ZNF609: variants seen among roughly 807,000 people sequenced by gnomAD.
ZNF609 encodes the protein zinc finger protein 609.
In ZNF609, 11 loss-of-function variants were observed where a neutral mutation model predicts 109.5. The ratio of observed to expected loss-of-function variants is 0.10; its 90% CI spans 0.06 to 0.17. The LOEUF (loss-of-function observed/expected upper bound fraction) is 0.17, where lower values mean the gene tolerates loss of function less well. Among genes scored for constraint, ZNF609 ranks in the 10% least tolerant of loss-of-function variants. ZNF609 has a pLI of 1.00. For synonymous variants in ZNF609, 646 were observed against 662.0 expected, an observed-to-expected ratio of 0.98 and a Z score of 0.37; for missense variants, 1,559 against 1,772.4, an observed-to-expected ratio of 0.88 and a Z score of 2.16.
intron 1 of ZNF609, among the ~76,000 whole-genome samples, chr15:64,486,248 G>A (rs546472585): frequency 2.0e-5 from 3 of 152,252 alleles, no homozygotes; most frequent in Non-Finnish European, 4.4e-5. Context: ...TATCGGCCAG[G>A]CACGTTGTCT....
intron 2 of ZNF609, among the ~76,000 whole-genome samples, chr15:64,600,607 G>A (rs1190662828): frequency 7.2e-6 from 1 of 138,154 alleles, no homozygotes; most frequent in Non-Finnish European, 1.5e-5. Context: ...CTGTACCCCA[G>A]CTTGGGTAAC....
chr15:64,512,834 A>G (rs1006912718), intron 2 of ZNF609, among the ~76,000 whole-genome samples: 3 of 152,130 alleles, frequency 2.0e-5, no homozygotes, highest in African/African-American at 7.2e-5. Context: ...ACTTTTTTAA[A>G]AAAAACTTTT....
chr15:64,475,448 C>T (rs1156822291), intron 1 of ZNF609, among the ~76,000 whole-genome samples: 2 of 132,746 alleles, frequency 1.5e-5, no homozygotes, highest in African/African-American at 2.8e-5. Context: ...GGCTAGAGTG[C>T]AGCGATCTTG....
intron 3 of ZNF609, among the ~76,000 whole-genome samples, chr15:64,665,278 C>T (rs1047119498): frequency 9.2e-5 from 14 of 152,170 alleles, no homozygotes; most frequent in Admixed American, 3.9e-4. Flanking sequence ...TGAAAACAAT[C>T]AGAATCCATT....
chr15:64,625,387 G>A (rs1248494553), intron 3 of ZNF609, among the ~76,000 whole-genome samples: 1 of 152,078 alleles, frequency 6.6e-6, no homozygotes, highest in Non-Finnish European at 1.5e-5. Context: ...GGGTATGGTG[G>A]CGTGTACCTG....
intron 2 of ZNF609, among the ~76,000 whole-genome samples, chr15:64,579,802 CATATT>C (rs1411272014): frequency 6.6e-6 from 1 of 152,092 alleles, no homozygotes; most frequent in African/African-American, 2.4e-5. Flanking sequence ...CCCATCAACA[CATATT>C]ATAAATATTG....
At chr15:64,599,911 T>G (rs544429273) in intron 2 of ZNF609, among the ~76,000 whole-genome samples, 1 of 152,350 alleles carries the variant, frequency 6.6e-6, no homozygotes, top group Admixed American at 6.5e-5. Context: ...ATTCTTTAGG[T>G]CCACTCCAGC....
chr15:64,527,241 G>T (rs1332398993), intron 2 of ZNF609, among the ~76,000 whole-genome samples: 1 of 149,626 alleles, frequency 6.7e-6, no homozygotes, highest in African/African-American at 2.5e-5. Flanking sequence ...TGAGGATGCA[G>T]GGTTAAAAGA....
At chr15:64,545,055 A>T (rs900735112) in intron 2 of ZNF609, among the ~76,000 whole-genome samples, 3 of 152,224 alleles carry the variant, frequency 2.0e-5, no homozygotes, top group African/African-American at 7.2e-5. Flanking sequence ...AGCAAGATTA[A>T]ATGAGACTAG....
chr15:64,478,774 A>C (rs1279664008), intron 1 of ZNF609, among the ~76,000 whole-genome samples: 9 of 152,202 alleles, frequency 5.9e-5, no homozygotes, highest in Admixed American at 5.9e-4. Context: ...TCTTCTGGGC[A>C]GATTTTATAT....
intron 3 of ZNF609, among the ~76,000 whole-genome samples, chr15:64,630,937 C>T (rs949588129): frequency 6.6e-6 from 1 of 152,174 alleles, no homozygotes; most frequent in Non-Finnish European, 1.5e-5. Flanking sequence ...AGCTACTTCA[C>T]ATCTTTCAGC....
intron 2 of ZNF609, among the ~76,000 whole-genome samples, chr15:64,612,208 C>T (rs935622438): frequency 1.3e-5 from 2 of 151,094 alleles, no homozygotes; most frequent in Non-Finnish European, 2.9e-5. Context: ...AGTGCAGTGG[C>T]GCGACCTCGG....
chr15:64,653,624 C>A (rs1024717887), intron 3 of ZNF609, among the ~76,000 whole-genome samples: 1 of 151,928 alleles, frequency 6.6e-6, no homozygotes, highest in Non-Finnish European at 1.5e-5. Context: ...CCACCCTGGA[C>A]GACAGAGCTA....
intron 4 of ZNF609, among the ~76,000 whole-genome samples, chr15:64,672,040 T>G: frequency 8.1e-6 from 1 of 122,938 alleles, no homozygotes; most frequent in Non-Finnish European, 1.6e-5. Flanking sequence ...TGAGATGGAG[T>G]CTCGCTCTGT....
At chr15:64,472,877 T>C (rs1309056665) in intron 1 of ZNF609, among the ~76,000 whole-genome samples, 2 of 152,098 alleles carry the variant, frequency 1.3e-5, no homozygotes, top group Non-Finnish European at 2.9e-5. Flanking sequence ...ACCAAGAATA[T>C]ACCTTGTAAA....
intron 3 of ZNF609, among the ~76,000 whole-genome samples, chr15:64,663,356 G>A (rs1196860440): frequency 6.6e-6 from 1 of 152,162 alleles, no homozygotes; most frequent in African/African-American, 2.4e-5. Flanking sequence ...ACACCTAGAA[G>A]GATGTACACA....
At position 64,653,854 on chromosome 15, in the gene ZNF609, G is replaced by C. The variant is rs369840080; in HGVS notation, c.974-16492G>C. Among the ~76,000 whole-genome samples the C allele has an allele frequency of 8.6e-4, 131 of 152,126 alleles. 1 individual carries two copies. The highest frequency in any genetic ancestry group is 3.0e-3 in the African/African-American group (126 of 41,486). ...CCAAGATATCACACTCTCCTAGACT[G>C]GGAGCCAAAGAGCTATAAAAAATTG... is the stretch of plus-strand genomic sequence containing the variant. On this transcript the variant is annotated intron_variant, in intron 3 of 9. Coordinates refer to ENST00000326648, the MANE Select transcript of ZNF609 (RefSeq NM_015042.2).
At chr15:64,500,456 G>C (rs1893545580) in intron 2 of ZNF609, 2 of 662,696 alleles carry the variant, frequency 3.0e-6, no homozygotes, top group Non-Finnish European at 5.5e-6. Flanking sequence ...TTCCCACCTT[G>C]TCTTTGCCCA....
intron 1 of ZNF609, among the ~76,000 whole-genome samples, chr15:64,474,079 T>G (rs565989576): frequency 1.3e-5 from 2 of 151,072 alleles, no homozygotes; most frequent in African/African-American, 4.9e-5. Context: ...GGCCAATTTT[T>G]ATATTTTTAG....
Sources: gnomAD v4.1 joint callset for allele counts (sites outside exome capture counted in the v4.1 genomes callset) on GRCh38, gnomAD v4.1.1 for gene constraint, MANE v1.5 for transcripts, NCBI Gene and HGNC (gene_info 2026-07-23, HGNC 2026-07-21) for gene names.